The following NCAM1 variants were observed in gnomAD, a reference collection of about 807,000 sequenced individuals.
NCAM1 encodes neural cell adhesion molecule 1.
In NCAM1, 14 loss-of-function variants were observed where a neutral mutation model predicts 109.8. The observed-to-expected ratio is 0.13, with a 90% CI of 0.08 to 0.20. The LOEUF (loss-of-function observed/expected upper bound fraction) is 0.20. Among genes scored for constraint, NCAM1 ranks in the 10% least tolerant of loss-of-function variants. NCAM1 has a pLI of 1.00. For missense variants in NCAM1, 774 were observed against 1,109.9 expected (o/e 0.70, Z 4.30); for synonymous variants, 418 against 442.9 (o/e 0.94, Z 0.70).
intron 1 of NCAM1, among the ~76,000 whole-genome samples, chr11:113,101,066 T>C (rs1555091418): frequency 2.6e-5 from 4 of 152,172 alleles, no homozygotes; most frequent in Non-Finnish European, 4.4e-5. Flanking sequence ...GTATTCAAAT[T>C]AGGAGATTCC....
chr11:113,076,275 G>A (rs897900227), intron 1 of NCAM1, among the ~76,000 whole-genome samples: 3 of 152,168 alleles, frequency 2.0e-5, no homozygotes, highest in South Asian at 2.1e-4. Flanking sequence ...AGCAGCAGCA[G>A]TTTGCAGATT....
intron 1 of NCAM1, among the ~76,000 whole-genome samples, chr11:113,039,037 A>G (rs57141400): frequency 0.14 from 20,794 of 152,270 alleles, 1,793 homozygotes; most frequent in South Asian, 0.4. Flanking sequence ...ATAGATTTAC[A>G]TGGAAAAAAA....
chr11:112,985,971 G>A (rs1951290872), intron 1 of NCAM1, among the ~76,000 whole-genome samples: 1 of 151,862 alleles, frequency 6.6e-6, no homozygotes, highest in Non-Finnish European at 1.5e-5. Context: ...GTAAGAATAG[G>A]CATCCATATC....
chr11:112,971,252 G>GTCTC (rs145671050), intron 1 of NCAM1, among the ~76,000 whole-genome samples: 4 of 149,068 alleles, frequency 2.7e-5, no homozygotes, highest in Admixed American at 1.3e-4. Context: ...CTCTGTCTCT[G>GTCTC]TCTCTCTCTC....
chr11:113,231,353 T>C lies in NCAM1; in HGVS notation c.1090-292T>C, dbSNP rs1282065017. 1.1e-5 allele frequency: 16 copies of C among 1,480,356 alleles called. No individual in the cohort carries two copies. The Admixed American group carries it at 3.2e-4, about 29-fold the overall frequency. The allele number at this position is 1,480,356 out of a possible 1,614,324, so 91.7% of individuals were successfully genotyped here. ...ATTTTAGACATCCCAAACAAAGTCATCTTGGGGGACCTAGCCCCAAACCAA... is the reference window on the plus strand; with the variant it reads ...ATTTTAGACATCCCAAACAAAGTCACCTTGGGGGACCTAGCCCCAAACCAA... On this transcript the variant is annotated intron_variant, in intron 9 of 19. Transcript: ENST00000316851.
chr11:113,029,301 A>G (rs952484401), intron 1 of NCAM1, among the ~76,000 whole-genome samples: 1 of 152,216 alleles, frequency 6.6e-6, no homozygotes, highest in Admixed American at 6.5e-5. Context: ...ATAGTGGTGA[A>G]ATATTCCATT....
intron 1 of NCAM1, among the ~76,000 whole-genome samples, chr11:113,184,743 A>G (rs1308850797): frequency 6.6e-6 from 1 of 152,094 alleles, no homozygotes; most frequent in Non-Finnish European, 1.5e-5. Flanking sequence ...ATCAATAGAA[A>G]GATTGCCCAA....
At chr11:113,144,064 G>C (rs548054026) in intron 1 of NCAM1, among the ~76,000 whole-genome samples, 2 of 152,144 alleles carry the variant, frequency 1.3e-5, no homozygotes, top group African/African-American at 4.8e-5. Context: ...CAGTGTGTGC[G>C]TGTTACTGTG....
chr11:113,047,421 C>T (rs756712237), intron 1 of NCAM1, among the ~76,000 whole-genome samples: 19 of 151,928 alleles, frequency 1.3e-4, no homozygotes, highest in Non-Finnish European at 2.1e-4. Flanking sequence ...TAGGCTCAAC[C>T]CAACAAATAA....
rs1591187988 is a variant in NCAM1, at chr11:112,961,619, C to A, written c.7C>A (p.Gln3Lys). 1.3e-6 allele frequency: 2 copies of A among 1,493,062 alleles called. No individual in the cohort carries two copies. Among genetic ancestry groups the A allele is most frequent in the Non-Finnish European group, 1.9e-6 (2 of 1,072,862 alleles). The allele number at this position is 1,493,062 out of a possible 1,614,324, so 92.5% of individuals were successfully genotyped here. A position where few individuals can be genotyped will look rare whatever the true frequency, so the allele number is the denominator to read the frequency against. MLQTKDLIWTLFF... is the reference protein window; with the variant it reads MLKTKDLIWTLFF... ...TCCCAGCCAGCAGATTACAATGCTG[C>A]AAACTAAGGATCTCATCTGGACTTT... Residue 3 changes from glutamine to lysine, a missense_variant, in exon 1 of 20, where the codon CAA (glutamine) becomes AAA (lysine). Physicochemically the swap from Gln to Lys is moderately conservative, Grantham distance 53. Around this residue, in one of 4 missense-constraint regions of NCAM1, gnomAD observed 112 missense variants for 142.0 expected, o/e 0.79. Transcript: ENST00000316851.
chr11:113,063,582 T>C (rs1937784392), intron 1 of NCAM1, among the ~76,000 whole-genome samples: 1 of 152,208 alleles, frequency 6.6e-6, no homozygotes, highest in African/African-American at 2.4e-5. Context: ...CCAGTTCTCA[T>C]GGCACTGAGG....
At chr11:113,264,802 A>C in intron 17 of NCAM1, 1 of 985,480 alleles carries the variant, frequency 1.0e-6, no homozygotes, top group Non-Finnish European at 1.2e-6. Context: ...CAGGGTCCTC[A>C]AGGGTCCCAT....
At chr11:113,163,960 C>T (rs1386972244) in intron 1 of NCAM1, among the ~76,000 whole-genome samples, 1 of 152,112 alleles carries the variant, frequency 6.6e-6, no homozygotes, top group Admixed American at 6.5e-5. Flanking sequence ...CTGTAGGACC[C>T]TACCCACTGG....
intron 1 of NCAM1, among the ~76,000 whole-genome samples, chr11:113,135,688 T>C (rs1348357187): frequency 1.3e-5 from 2 of 152,180 alleles, no homozygotes; most frequent in Non-Finnish European, 2.9e-5. Context: ...AAGGACGTGC[T>C]GGACTATGCA....
At chr11:113,231,128 G>A in intron 9 of NCAM1, 1 of 1,394,232 alleles carries the variant, frequency 7.2e-7, no homozygotes, top group Non-Finnish European at 9.8e-7. Context: ...CCAGGAAAGA[G>A]GCATCTGCAG....
In NCAM1 at chr11:113,275,498, G is replaced by A; in HGVS notation, c.*111G>A. 4.0e-6 allele frequency: 5 copies of A among 1,260,436 alleles called. No homozygotes were observed. The highest frequency in any genetic ancestry group is 5.5e-6 in the Non-Finnish European group (5 of 915,178). 78.1% of individuals were successfully genotyped at this position (1,260,436 alleles called of 1,614,324 possible). A position where few individuals can be genotyped will look rare whatever the true frequency, so the allele number is the denominator to read the frequency against. ...CGCACGCACACACACAAACACACAT[G>A]CACACACACACATCTCATTTCTCTA... On this transcript the variant is annotated 3_prime_UTR_variant, in exon 20 of 20. Transcript: ENST00000316851.
intron 1 of NCAM1, among the ~76,000 whole-genome samples, chr11:112,983,417 T>TG (rs1555069070): frequency 3.7e-5 from 4 of 108,666 alleles, no homozygotes; most frequent in Admixed American, 8.8e-5. Context: ...AACAAAAATT[T>TG]GGATTTTTTT....
At position 113,275,515 on chromosome 11, in the gene NCAM1, A is replaced by C. The variant is rs2137822615; in HGVS notation, c.*128A>C. 2.6e-3 allele frequency: 2,889 copies of C among 1,108,146 alleles called. No individual in the cohort carries two copies. Among genetic ancestry groups the C allele is most frequent in the Non-Finnish European group, 3.3e-3 (2,594 of 795,352 alleles). 68.6% of individuals were successfully genotyped at this position (1,108,146 alleles called of 1,614,324 possible). On this transcript the variant is annotated 3_prime_UTR_variant, in exon 20 of 20. Coordinates refer to ENST00000316851, the MANE Select transcript of NCAM1 (RefSeq NM_181351.5). ...ACACACATGCACACACACACATCTC[A>C]TTTCTCTAGTGTCTTTTGCCTTTAA...
chr11:113,084,426 A>G (rs1938987492), intron 1 of NCAM1, among the ~76,000 whole-genome samples: 1 of 152,234 alleles, frequency 6.6e-6, no homozygotes, highest in African/African-American at 2.4e-5. Context: ...GAGTGAAATC[A>G]TATTTAATGG....
Sources: allele counts gnomAD v4.1 joint callset (sites outside exome capture counted in the v4.1 genomes callset), GRCh38; gene constraint gnomAD v4.1.1; regional missense constraint gnomAD v4.1.1; transcripts MANE v1.5; gene names NCBI Gene and HGNC (gene_info 2026-07-23, HGNC 2026-07-21).